Variants in RORA observed in about 807,000 individuals in gnomAD.
RORA encodes the protein nuclear receptor ROR-alpha.
Under a neutral mutation model 69.5 loss-of-function variants are expected in RORA, and 7 were observed. That is an observed-to-expected ratio of 0.10 (90% CI 0.06 to 0.19). RORA has a LOEUF of 0.19. RORA is among the 10% of genes least tolerant of loss of function. RORA has a pLI of 1.00. For missense variants in RORA, 457 were observed against 663.0 expected, an observed-to-expected ratio of 0.69 and a Z score of 3.41; for synonymous variants, 261 against 240.8, an observed-to-expected ratio of 1.08 and a Z score of -0.78.
At chr15:60,958,865 C>T (rs1156620912) in intron 1 of RORA, among the ~76,000 whole-genome samples, 1 of 152,168 alleles carries the variant, frequency 6.6e-6, no homozygotes, top group Non-Finnish European at 1.5e-5. Context: ...TAGGTTTGCA[C>T]AGCAACTTGG....
intron 1 of RORA, among the ~76,000 whole-genome samples, chr15:60,994,082 T>A (rs1027273026): frequency 9.9e-5 from 15 of 152,190 alleles, no homozygotes; most frequent in African/African-American, 3.1e-4. Context: ...ATATTAAAAA[T>A]TCAATGTTTT....
At chr15:60,725,034 C>G (rs2071339338) in intron 1 of RORA, among the ~76,000 whole-genome samples, 1 of 152,188 alleles carries the variant, frequency 6.6e-6, no homozygotes, top group Non-Finnish European at 1.5e-5. Context: ...CATATGCATT[C>G]AGATTTTATC....
At position 60,511,125 on chromosome 15, in the gene RORA, T is replaced by C. The variant is rs2065684194; in HGVS notation, c.820+101A>G. On this transcript the variant is annotated intron_variant, in intron 5 of 10. Transcript: ENST00000335670. This position sits in a 1 kb window ranked among gnomAD's most constrained non-coding sequence, Gnocchi z 6.4. ...AAGTGGCCCAAATGGTAAAGGTGAATTGCATCATTTAGCAGAACTCATTAG... is the reference window on the plus strand; with the variant it reads ...AAGTGGCCCAAATGGTAAAGGTGAACTGCATCATTTAGCAGAACTCATTAG... 1 of 1,297,794 alleles carries C rather than the reference T, an allele frequency of 7.7e-7. No homozygotes were observed. The allele number at this position is 1,297,794 out of a possible 1,614,324, so 80.4% of individuals were successfully genotyped here. A position where few individuals can be genotyped will look rare whatever the true frequency, so the allele number is the denominator to read the frequency against.
At chr15:60,624,312 T>C (rs1567130352) in intron 2 of RORA, among the ~76,000 whole-genome samples, 3 of 151,558 alleles carry the variant, frequency 2.0e-5, no homozygotes, top group African/African-American at 7.3e-5. Context: ...CATAGTTATA[T>C]ATTTTATCTG....
rs567696859 is a variant in RORA, at chr15:60,642,697, C to T, written c.196+35960G>A. Among the ~76,000 whole-genome samples the T allele has an allele frequency of 3.9e-5, 6 of 152,060 alleles. No individual in the cohort carries two copies. In the South Asian group the frequency reaches 1.2e-3, roughly 32 times the overall value. On this transcript the variant is annotated intron_variant, in intron 2 of 10. Transcript: ENST00000335670. ...CTTGAGCCCGGAAGTTCAAGACCAG[C>T]CTAGGCAACAAAAAATTTACAAAAA... is the stretch of plus-strand genomic sequence containing the variant.
intron 1 of RORA, among the ~76,000 whole-genome samples, chr15:60,792,167 A>G (rs1223811167): frequency 6.6e-6 from 1 of 152,198 alleles, no homozygotes; most frequent in Non-Finnish European, 1.5e-5. Flanking sequence ...GAAAAAAAAT[A>G]CTACTGTATG....
At position 60,904,883 on chromosome 15, in the gene RORA, G is replaced by A. The variant is rs562178346; in HGVS notation, c.167-226197C>T. ...GTTTGGGGTGGTCAAGGCCAATGTT[G>A]AAGACATTGATACAGCTCAGAATAG... On this transcript the variant is annotated intron_variant, in intron 1 of 10. Transcript: ENST00000335670. 3.3e-5 allele frequency among the ~76,000 whole-genome samples: 5 copies of A among 152,246 alleles called. No homozygotes were observed. The South Asian group carries it at 1.0e-3, about 32-fold the overall frequency.
intron 2 of RORA, among the ~76,000 whole-genome samples, chr15:60,665,254 T>C (rs1010413961): frequency 1.4e-4 from 21 of 152,244 alleles, no homozygotes; most frequent in Non-Finnish European, 2.8e-4. Flanking sequence ...CTTGATAGGA[T>C]ACACCCTTCA....
chr15:60,990,189 T>G (rs942480569), intron 1 of RORA, among the ~76,000 whole-genome samples: 2 of 152,216 alleles, frequency 1.3e-5, no homozygotes, highest in African/African-American at 2.4e-5. Context: ...TATGCCCTAA[T>G]GCACTGTTTA....
rs900827663 is a variant in RORA at position 60,488,329 on chromosome 15, G to A, written c.*9126C>T. ...TTATTATAGGATAACAGTACATAAA[G>A]CACATCTAAAATTGATGTGTTCAAT... is the stretch of plus-strand genomic sequence containing the variant. On this transcript the variant is annotated 3_prime_UTR_variant, in exon 11 of 11. Transcript: ENST00000335670. 7 of 152,150 alleles carry A rather than the reference G, an allele frequency of 4.6e-5. No homozygotes were observed. The highest frequency in any genetic ancestry group is 1.7e-4 in the African/African-American group (7 of 41,448). 9.4% of individuals were successfully genotyped at this position (152,150 alleles called of 1,614,324 possible).
At chr15:60,558,230 C>CGCCA (rs748657288) in intron 2 of RORA, 1 of 1,608,798 alleles carries the variant, frequency 6.2e-7, no homozygotes, top group East Asian at 2.2e-5. Context: ...CTTACACAGA[C>CGCCA]GCCAGTAAGA....
chr15:61,163,950 T>C (rs1316958802), intron 1 of RORA, among the ~76,000 whole-genome samples: 1 of 152,228 alleles, frequency 6.6e-6, no homozygotes, highest in Non-Finnish European at 1.5e-5. Flanking sequence ...TAGAGGGATT[T>C]AATCCAAATT....
intron 1 of RORA, among the ~76,000 whole-genome samples, chr15:60,989,094 T>G (rs1315888394): frequency 2.0e-5 from 3 of 152,212 alleles, no homozygotes; most frequent in Non-Finnish European, 4.4e-5. Context: ...CAATTAGCCA[T>G]TTTAAAGTGC....
At chr15:61,004,938 T>C (rs976943339) in intron 1 of RORA, among the ~76,000 whole-genome samples, 5 of 152,214 alleles carry the variant, frequency 3.3e-5, no homozygotes, top group African/African-American at 9.6e-5. Context: ...GGCACTCTTA[T>C]GTCTATTCAA....
At chr15:61,100,134 T>C (rs1486867361) in intron 1 of RORA, among the ~76,000 whole-genome samples, 4 of 142,268 alleles carry the variant, frequency 2.8e-5, no homozygotes, top group Non-Finnish European at 6.1e-5. Context: ...TTTTTTTTTC[T>C]TTTGAGATGG....
At chr15:60,613,730 G>GTGTGTA (rs2069154007) in intron 2 of RORA, among the ~76,000 whole-genome samples, 1 of 147,336 alleles carries the variant, frequency 6.8e-6, no homozygotes, top group African/African-American at 2.6e-5. Context: ...GTGTGTGTGT[G>GTGTGTA]TGTGTGTGTG....
intron 1 of RORA, among the ~76,000 whole-genome samples, chr15:60,902,694 G>A (rs1891424662): frequency 6.6e-6 from 1 of 152,184 alleles, no homozygotes; most frequent in South Asian, 2.1e-4. Flanking sequence ...CACTCTCTGA[G>A]AGGAAAACCC....
chr15:60,899,344 G>A (rs1891320660), intron 1 of RORA, among the ~76,000 whole-genome samples: 1 of 152,152 alleles, frequency 6.6e-6, no homozygotes, highest in Admixed American at 6.6e-5. Flanking sequence ...TTTAGTATAT[G>A]GTCCAACATG....
intron 1 of RORA, among the ~76,000 whole-genome samples, chr15:61,017,859 C>T (rs1029635083): frequency 6.6e-6 from 1 of 152,170 alleles, no homozygotes; most frequent in African/African-American, 2.4e-5. Context: ...TACAGTAAAA[C>T]CTTATGAACT....
Sources: allele counts gnomAD v4.1 joint callset (sites outside exome capture counted in the v4.1 genomes callset), GRCh38; gene constraint gnomAD v4.1.1; non-coding constraint Gnocchi (gnomAD v3.1); transcripts MANE v1.5; gene names NCBI Gene and HGNC (gene_info 2026-07-23, HGNC 2026-07-21).